Variants in HEMK2 observed in about 807,000 individuals in gnomAD.
HEMK2 encodes the protein HemK methyltransferase 2, ETF1 glutamine and histone H4 lysine, also known as methyltransferase HEMK2.
the HEMK2 span, among the ~76,000 whole-genome samples, chr21:28,802,516 T>C: frequency 6.6e-6 from 1 of 152,102 alleles, no homozygotes; most frequent in East Asian, 1.9e-4. Flanking sequence ...TTACTTGAAG[T>C]CAGGAGTTCA....
chr21:28,683,031 T>C, the HEMK2 span, among the ~76,000 whole-genome samples: 2 of 152,010 alleles, frequency 1.3e-5, no homozygotes, highest in East Asian at 3.9e-4. Context: ...GTTGTGCACA[T>C]GTACCCTAAA....
the HEMK2 span, among the ~76,000 whole-genome samples, chr21:28,601,090 C>A: frequency 2.0e-5 from 3 of 152,222 alleles, no homozygotes; most frequent in African/African-American, 7.2e-5. Flanking sequence ...CCTTCAGCTG[C>A]AACCATTGCT....
the HEMK2 span, among the ~76,000 whole-genome samples, chr21:28,599,943 A>G: frequency 1.3e-5 from 2 of 152,362 alleles, no homozygotes; most frequent in East Asian, 3.9e-4. Context: ...CATCTAGGTC[A>G]TGCTGATACA....
the HEMK2 span, among the ~76,000 whole-genome samples, chr21:28,846,786 C>T: frequency 1.3e-5 from 2 of 152,074 alleles, no homozygotes; most frequent in Admixed American, 1.3e-4. Context: ...TGGCCTCCTC[C>T]CACCATCTAC....
the HEMK2 span, among the ~76,000 whole-genome samples, chr21:28,659,051 T>C: frequency 6.6e-6 from 1 of 152,138 alleles, no homozygotes; most frequent in Non-Finnish European, 1.5e-5. Context: ...ATTGATTGCT[T>C]TTCTTAGATA....
At chr21:28,866,099 A>G in the HEMK2 span, among the ~76,000 whole-genome samples, 1 of 144,804 alleles carries the variant, frequency 6.9e-6, no homozygotes, top group Non-Finnish European at 1.5e-5. Context: ...GAGTCCAGGA[A>G]TTGGAGACCA....
At chr21:28,750,969 G>A in the HEMK2 span, among the ~76,000 whole-genome samples, 5 of 152,082 alleles carry the variant, frequency 3.3e-5, no homozygotes, top group Non-Finnish European at 7.4e-5. Flanking sequence ...GGTGGCTCAC[G>A]CCTGTAATCT....
the HEMK2 span, among the ~76,000 whole-genome samples, chr21:28,635,997 T>C: frequency 6.6e-6 from 1 of 152,210 alleles, no homozygotes; most frequent in South Asian, 2.1e-4. Flanking sequence ...GACCACCCCG[T>C]TGCATTGCTT....
At chr21:28,682,796 G>T in the HEMK2 span, among the ~76,000 whole-genome samples, 4 of 151,902 alleles carry the variant, frequency 2.6e-5, no homozygotes, top group East Asian at 5.8e-4. Flanking sequence ...GCAAACTATC[G>T]CAAGGACAAA....
the HEMK2 span, among the ~76,000 whole-genome samples, chr21:28,595,276 G>A: frequency 0.19 from 3,246 of 17,248 alleles, 146 homozygotes; most frequent in African/African-American, 0.46. Flanking sequence ...TTATTCATTC[G>A]TTCTAGTTTT....
the HEMK2 span, among the ~76,000 whole-genome samples, chr21:28,850,514 T>C: frequency 2.0e-5 from 3 of 152,184 alleles, no homozygotes; most frequent in Non-Finnish European, 4.4e-5. Flanking sequence ...GTGATCAGCA[T>C]TCTTATGGAA....
chr21:28,873,285 C>G, the HEMK2 span: 1 of 152,146 alleles, frequency 6.6e-6, no homozygotes, highest in African/African-American at 2.4e-5. Flanking sequence ...AATATTTAAA[C>G]ACTATGCTAT....
chr21:28,875,252 T>C, the HEMK2 span: 1 of 152,262 alleles, frequency 6.6e-6, no homozygotes, highest in Non-Finnish European at 1.5e-5. Flanking sequence ...TATCCAACTT[T>C]GTGCGTTGGT....
chr21:28,603,461 T>C, the HEMK2 span, among the ~76,000 whole-genome samples: 4 of 151,916 alleles, frequency 2.6e-5, no homozygotes, highest in African/African-American at 9.7e-5. Flanking sequence ...CAATATTATT[T>C]TACTGAGGAT....
chr21:28,745,210 G>A, the HEMK2 span, among the ~76,000 whole-genome samples: 1 of 152,230 alleles, frequency 6.6e-6, no homozygotes, highest in Non-Finnish European at 1.5e-5. Flanking sequence ...GAAGCTTGTG[G>A]TGTAAGCATT....
chr21:28,690,142 C>T, the HEMK2 span, among the ~76,000 whole-genome samples: 68 of 152,244 alleles, frequency 4.5e-4, 1 homozygote, highest in South Asian at 3.1e-3. Flanking sequence ...TTATTCACTA[C>T]CATGAGAACA....
chr21:28,589,411 G>A, the HEMK2 span, among the ~76,000 whole-genome samples: 1 of 152,066 alleles, frequency 6.6e-6, no homozygotes, highest in South Asian at 2.1e-4. Flanking sequence ...GGGGGTTGGG[G>A]GAGAAAGGTA....
chr21:28,608,960 G>A, the HEMK2 span, among the ~76,000 whole-genome samples: 6 of 152,072 alleles, frequency 3.9e-5, no homozygotes, highest in African/African-American at 1.4e-4. Context: ...CCACCTGAAC[G>A]TCCTCCCTAC....
At chr21:28,720,634 G>A in the HEMK2 span, among the ~76,000 whole-genome samples, 1 of 152,198 alleles carries the variant, frequency 6.6e-6, no homozygotes, top group African/African-American at 2.4e-5. Flanking sequence ...TCAGGAGGCT[G>A]AGGCAGGAGA....
Sources: allele counts gnomAD v4.1 joint callset (sites outside exome capture counted in the v4.1 genomes callset), GRCh38; gene constraint gnomAD v4.1.1; transcripts MANE v1.5; gene names NCBI Gene and HGNC (gene_info 2026-07-23, HGNC 2026-07-21).